Variants in KLHL1 observed in about 807,000 individuals in gnomAD.
KLHL1 encodes the protein kelch-like protein 1.
Under a neutral mutation model 77.7 loss-of-function variants are expected in KLHL1, and 47 were observed. That is an observed-to-expected ratio of 0.60 (90% CI 0.48 to 0.77). The LOEUF (loss-of-function observed/expected upper bound fraction) is 0.77. Among genes scored for constraint, KLHL1 ranks in the 30% least tolerant of loss-of-function variants. KLHL1 has a pLI of 0.00. For missense variants in KLHL1, 925 were observed against 910.8 expected, an observed-to-expected ratio of 1.02 and a Z score of -0.20; for synonymous variants, 360 against 325.2, an observed-to-expected ratio of 1.11 and a Z score of -1.15.
rs375869705 is a variant in KLHL1, at chr13:69,796,821, G to A, written c.1556C>T (p.Thr519Ile). 1 of 1,614,018 alleles carries A rather than the reference G, an allele frequency of 6.2e-7. No individual in the cohort carries two copies. Among genetic ancestry groups the A allele is most frequent in the Non-Finnish European group, 8.5e-7 (1 of 1,180,012 alleles). The change falls in exon 7 of 11, where the codon ACA becomes ATA. Residue 519 changes from threonine (T) to isoleucine (I), a missense_variant. By Grantham distance (89) the Thr-to-Ile change is moderately conservative. Transcript: ENST00000377844. ...ATTGTAACATTCAACAGTGTTCAAT[G>A]TCTTTAAGCCATCTCGACCTCCAAT... is the stretch of plus-strand genomic sequence containing the variant. ...FVIGGRDGLKTLNTVECYNPK... is the reference protein window; with the variant it reads ...FVIGGRDGLKILNTVECYNPK...
chr13:69,950,025 T>A (rs1883657215), intron 3 of KLHL1, among the ~76,000 whole-genome samples: 1 of 151,602 alleles, frequency 6.6e-6, no homozygotes, highest in African/African-American at 2.4e-5. Context: ...AATTCTATAA[T>A]CCTAGAGCTA....
chr13:69,722,617 G>T (rs1345544824), intron 8 of KLHL1, among the ~76,000 whole-genome samples: 1 of 151,950 alleles, frequency 6.6e-6, no homozygotes, highest in South Asian at 2.1e-4. Flanking sequence ...CCTCACTCCA[G>T]TTGCAAAAGC....
intron 1 of KLHL1, among the ~76,000 whole-genome samples, chr13:70,074,172 T>C (rs1887206300): frequency 6.6e-6 from 1 of 152,076 alleles, no homozygotes. Context: ...ATATTCAGCA[T>C]GATTTGAAGA....
intron 2 of KLHL1, among the ~76,000 whole-genome samples, chr13:69,964,324 G>C (rs762950803): frequency 4.6e-5 from 7 of 152,152 alleles, no homozygotes; most frequent in African/African-American, 1.2e-4. Flanking sequence ...TTATGGGCAT[G>C]AGACACTGCA....
At chr13:69,949,539 A>G (rs1883638710) in intron 3 of KLHL1, among the ~76,000 whole-genome samples, 1 of 151,670 alleles carries the variant, frequency 6.6e-6, no homozygotes. Context: ...CTCCACTGTA[A>G]TGTTATTCTT....
chr13:69,875,102 T>G (rs1252513576), intron 5 of KLHL1, among the ~76,000 whole-genome samples: 2 of 151,834 alleles, frequency 1.3e-5, no homozygotes, highest in Non-Finnish European at 2.9e-5. Flanking sequence ...TGAGCAAGAG[T>G]GATCAAATCA....
At chr13:69,833,832 CAT>C (rs200976141) in intron 6 of KLHL1, among the ~76,000 whole-genome samples, 3 of 147,052 alleles carry the variant, frequency 2.0e-5, no homozygotes, top group African/African-American at 7.6e-5. Context: ...CACATGTATA[CAT>C]ATATATATAC....
rs1427493059 is a variant in KLHL1, at chr13:69,812,782, A to G, written c.1415-15820T>C. Reference sequence around the variant, plus strand: ...AAACCACAATGAGATACCATCTCACACCAGTTAGTTAGAATGGCAATCATT... The same window carrying G: ...AAACCACAATGAGATACCATCTCACGCCAGTTAGTTAGAATGGCAATCATT... On this transcript the variant is annotated intron_variant, in intron 6 of 10. Coordinates refer to ENST00000377844, the MANE Select transcript of KLHL1 (RefSeq NM_020866.3). 4.2e-4 allele frequency among the ~76,000 whole-genome samples: 64 copies of G among 150,682 alleles called. 4 individuals are homozygous for G. In the East Asian group the frequency reaches 0.012, roughly 29 times the overall value.
chr13:70,001,233 G>A (rs1206398291), intron 1 of KLHL1, among the ~76,000 whole-genome samples: 1 of 150,500 alleles, frequency 6.6e-6, no homozygotes, highest in East Asian at 2.0e-4. Context: ...AATAAGCTAA[G>A]AATAATTAAA....
At position 70,080,738 on chromosome 13, in the gene KLHL1, A is replaced by T. The variant is rs147997475; in HGVS notation, c.497+26465T>A. ...CAGCCTCCCGAGTAGCTGGGACTAC[A>T]CATGCGCACCACCACACCAGCCTAA... On this transcript the variant is annotated intron_variant, in intron 1 of 10. Coordinates refer to ENST00000377844, the MANE Select transcript of KLHL1 (RefSeq NM_020866.3). 1.4e-3 allele frequency among the ~76,000 whole-genome samples: 217 copies of T among 152,190 alleles called. 2 individuals carry two copies. Among genetic ancestry groups the T allele is most frequent in the African/African-American group, 4.9e-3 (202 of 41,542 alleles).
chr13:69,792,186 A>G (rs1226697355), intron 7 of KLHL1, among the ~76,000 whole-genome samples: 1 of 152,200 alleles, frequency 6.6e-6, no homozygotes, highest in African/African-American at 2.4e-5. Context: ...CCTTCTAACC[A>G]GAGTATCAAA....
At chr13:69,762,255 T>G (rs193029198) in intron 7 of KLHL1, among the ~76,000 whole-genome samples, 1 of 152,280 alleles carries the variant, frequency 6.6e-6, no homozygotes, top group Admixed American at 6.5e-5. Context: ...AACTGAATTT[T>G]CTTGGTCAAA....
chr13:69,930,962 T>C (rs1244959024), intron 4 of KLHL1, among the ~76,000 whole-genome samples: 1 of 151,680 alleles, frequency 6.6e-6, no homozygotes, highest in Non-Finnish European at 1.5e-5. Flanking sequence ...TCAACTGCAA[T>C]ATATAATATT....
intron 4 of KLHL1, chr13:69,894,852 G>A: frequency 3.7e-6 from 1 of 267,634 alleles, no homozygotes; most frequent in Non-Finnish European, 7.4e-6. Context: ...TCTCCTTGGA[G>A]ACCTTTCCCA....
chr13:70,055,479 C>A (rs1886722828), intron 1 of KLHL1, among the ~76,000 whole-genome samples: 1 of 151,862 alleles, frequency 6.6e-6, no homozygotes, highest in Non-Finnish European at 1.5e-5. Flanking sequence ...TCAGAAGATA[C>A]AAAAGTCAAT....
chr13:69,730,222 G>A (rs1364699455), intron 8 of KLHL1, among the ~76,000 whole-genome samples: 1 of 152,048 alleles, frequency 6.6e-6, no homozygotes, highest in Non-Finnish European at 1.5e-5. Context: ...TATAATGCAA[G>A]CTAATTATCC....
intron 7 of KLHL1, among the ~76,000 whole-genome samples, chr13:69,771,998 C>A (rs1240942924): frequency 1.3e-5 from 2 of 151,938 alleles, no homozygotes; most frequent in African/African-American, 4.8e-5. Flanking sequence ...ATTGCCCTGG[C>A]AGGAATGCAG....
chr13:69,744,025 A>C (rs1179145879), intron 7 of KLHL1, among the ~76,000 whole-genome samples: 1 of 152,172 alleles, frequency 6.6e-6, no homozygotes, highest in Non-Finnish European at 1.5e-5. Flanking sequence ...ACATGCCTAC[A>C]GTTCAAGACA....
At chr13:70,016,402 T>C (rs781723191) in intron 1 of KLHL1, among the ~76,000 whole-genome samples, 1 of 152,206 alleles carries the variant, frequency 6.6e-6, no homozygotes, top group Non-Finnish European at 1.5e-5. Context: ...CATGCACTCT[T>C]GGGGGCCCAG....
Sources: gnomAD v4.1 joint callset for allele counts (sites outside exome capture counted in the v4.1 genomes callset) on GRCh38, gnomAD v4.1.1 for gene constraint, MANE v1.5 for transcripts, NCBI Gene and HGNC (gene_info 2026-07-23, HGNC 2026-07-21) for gene names.